Variants in COL23A1 observed in about 807,000 individuals in gnomAD.
COL23A1 encodes the protein collagen type XXIII alpha 1 chain.
A neutral mutation model predicts 99.3 loss-of-function variants in COL23A1; 97 were observed. The ratio of observed to expected loss-of-function variants is 0.98; its 90% confidence interval spans 0.83 to 1.16. The LOEUF (loss-of-function observed/expected upper bound fraction) is 1.16, where lower values mean the gene tolerates loss of function less well. Ranked by LOEUF, COL23A1 falls within the 50% of genes most tolerant of loss-of-function variation. The pLI is 0.00. For synonymous variants in COL23A1, 320 were observed against 308.2 expected (o/e 1.04, Z -0.40); for missense variants, 762 against 757.4 (o/e 1.01, Z -0.07).
intron 2 of COL23A1, among the ~76,000 whole-genome samples, chr5:178,357,411 C>G (rs1370519461): frequency 6.6e-6 from 1 of 152,230 alleles, no homozygotes; most frequent in Non-Finnish European, 1.5e-5. Context: ...ACTCAGAGAA[C>G]TCACAATGAA....
chr5:178,455,190 G>T (rs1767703059), intron 2 of COL23A1, among the ~76,000 whole-genome samples: 1 of 152,212 alleles, frequency 6.6e-6, no homozygotes, highest in Non-Finnish European at 1.5e-5. Context: ...TTCCGGGGGG[G>T]ACACAGTTCA....
intron 2 of COL23A1, among the ~76,000 whole-genome samples, chr5:178,391,861 T>C (rs1306171342): frequency 2.6e-5 from 4 of 151,156 alleles, no homozygotes; most frequent in African/African-American, 9.8e-5. Context: ...AAATAAAATG[T>C]GGTATATTCA....
At chr5:178,579,733 T>C (rs1258360183) in intron 1 of COL23A1, among the ~76,000 whole-genome samples, 2 of 152,152 alleles carry the variant, frequency 1.3e-5, no homozygotes, top group African/African-American at 4.8e-5. Flanking sequence ...ATTACAGGCA[T>C]GAGCCACCGC....
At chr5:178,358,353 T>A (rs1251553609) in intron 2 of COL23A1, among the ~76,000 whole-genome samples, 1 of 151,622 alleles carries the variant, frequency 6.6e-6, no homozygotes. Context: ...GTGTATTGTG[T>A]GTATGTGTAT....
intron 2 of COL23A1, among the ~76,000 whole-genome samples, chr5:178,495,781 G>A (rs1758167903): frequency 6.6e-6 from 1 of 152,046 alleles, no homozygotes; most frequent in Non-Finnish European, 1.5e-5. Flanking sequence ...AAGATGGGAA[G>A]GAATCCCCAT....
chr5:178,590,126 TCCG>T lies in COL23A1; in HGVS notation c.69_71del (p.Gly25del), dbSNP rs765794127. The T allele has an allele frequency of 8.9e-5, 110 of 1,239,274 alleles. No individual in the cohort carries two copies. The highest frequency in any genetic ancestry group is 8.6e-4 in the South Asian group (27 of 31,246). The allele number at this position is 1,239,274 out of a possible 1,614,324, so 76.8% of individuals were successfully genotyped here. On this transcript the variant is annotated inframe_deletion, in exon 1 of 29. Coordinates refer to ENST00000390654, the MANE Select transcript of COL23A1 (RefSeq NM_173465.4). This position sits in a 1 kb window ranked among gnomAD's most constrained non-coding sequence, Gnocchi z 5.7. Reference sequence around the variant, plus strand: ...ACCCGGCCGTCGTCGCCGAGCGCCCTCCGCCGCCGCCGCCCGCCGCATTGCCCT... The same window carrying T: ...ACCCGGCCGTCGTCGCCGAGCGCCCTCCGCCGCCGCCCGCCGCATTGCCCT...
intron 2 of COL23A1, among the ~76,000 whole-genome samples, chr5:178,496,697 C>T (rs1451833941): frequency 6.6e-6 from 1 of 152,158 alleles, no homozygotes; most frequent in Non-Finnish European, 1.5e-5. Context: ...ATTCTAAGGA[C>T]TAAACAAGCC....
At position 178,384,243 on chromosome 5, in the gene COL23A1, G is replaced by A. The variant is rs1040228827; in HGVS notation, c.362-77324C>T. 1.3e-5 allele frequency among the ~76,000 whole-genome samples: 2 copies of A among 152,180 alleles called. No homozygotes were observed. Among genetic ancestry groups the A allele is most frequent in the South Asian group, 2.1e-4 (1 of 4,830 alleles). On this transcript the variant is annotated intron_variant, in intron 2 of 28. Transcript: ENST00000390654. The surrounding 1 kb of genome is among the most constrained non-coding windows in gnomAD (Gnocchi z 5.5). ...CGCTGCTGCGAGCTGAGCTGCGATCGCAAATGCACGCAGCTCCCCGCCCAG... is the reference window on the plus strand; with the variant it reads ...CGCTGCTGCGAGCTGAGCTGCGATCACAAATGCACGCAGCTCCCCGCCCAG...
intron 18 of COL23A1, among the ~76,000 whole-genome samples, chr5:178,249,716 A>ACACACACACTCACTCTCTCTCTCT: frequency 7.5e-5 from 7 of 92,750 alleles, no homozygotes; most frequent in Non-Finnish European, 1.1e-4. Flanking sequence ...ACACACACAC[A>ACACACACACTCACTCTCTCTCTCT]CTCTCTCTCT....
At chr5:178,248,436 C>T (rs1040223968) in intron 19 of COL23A1, among the ~76,000 whole-genome samples, 182 bp from the exon 20 acceptor site, 1 of 152,154 alleles carries the variant, frequency 6.6e-6, no homozygotes, top group Non-Finnish European at 1.5e-5. Context: ...GCAGTGTGGG[C>T]TTTAGAAAGC....
chr5:178,249,319 T>C (rs1581446989), intron 18 of COL23A1, 113 bp from the exon 19 acceptor site: 1 of 1,009,292 alleles, frequency 9.9e-7, no homozygotes, highest in South Asian at 1.3e-5. Context: ...TCTTTGTGGG[T>C]CCCCACCTCC....
chr5:178,253,673 C>G (rs11738533), intron 16 of COL23A1, among the ~76,000 whole-genome samples: 137,174 of 151,506 alleles, frequency 0.91, 62,222 homozygotes, highest in Non-Finnish European at 0.93. Flanking sequence ...AGGAGAGACG[C>G]GGTTTCACTA....
chr5:178,532,072 A>T (rs1006229660), intron 2 of COL23A1, among the ~76,000 whole-genome samples: 4 of 152,314 alleles, frequency 2.6e-5, no homozygotes, highest in African/African-American at 9.6e-5. Flanking sequence ...GGGGTGTGCC[A>T]TCTGCCGACG....
At chr5:178,405,222 G>A (rs1449174812) in intron 2 of COL23A1, among the ~76,000 whole-genome samples, 1 of 152,250 alleles carries the variant, frequency 6.6e-6, no homozygotes, top group African/African-American at 2.4e-5. Context: ...GCCCGGCTCT[G>A]AGGCCACCTC....
At chr5:178,244,992 C>G (rs1343436557) in intron 25 of COL23A1, among the ~76,000 whole-genome samples, 1 of 109,550 alleles carries the variant, frequency 9.1e-6, no homozygotes, top group African/African-American at 2.7e-5. Context: ...ATCTATCATC[C>G]ATCCATCCAT....
chr5:178,523,299 C>A (rs11744777), intron 2 of COL23A1, among the ~76,000 whole-genome samples: 1 of 145,008 alleles, frequency 6.9e-6, no homozygotes, highest in Admixed American at 7.0e-5. Flanking sequence ...TGGTGGTGCG[C>A]GCCCGTAATC....
At chr5:178,295,120 G>T (rs186385056) in intron 3 of COL23A1, among the ~76,000 whole-genome samples, 24 of 152,178 alleles carry the variant, frequency 1.6e-4, no homozygotes, top group Non-Finnish European at 2.5e-4. Flanking sequence ...GGGAGGCAGA[G>T]GTTGCAGTGG....
At chr5:178,581,924 A>G (rs906142719) in intron 1 of COL23A1, among the ~76,000 whole-genome samples, 13 of 152,328 alleles carry the variant, frequency 8.5e-5, no homozygotes, top group African/African-American at 2.9e-4. Context: ...ATCTGTCTAC[A>G]TGATGGATGA....
chr5:178,528,218 T>G (rs970958530), intron 2 of COL23A1, among the ~76,000 whole-genome samples: 1 of 152,168 alleles, frequency 6.6e-6, no homozygotes, highest in African/African-American at 2.4e-5. Flanking sequence ...GGCTTAAATA[T>G]TAGCCCTCAT....
Sources: gnomAD v4.1 joint callset for allele counts (sites outside exome capture counted in the v4.1 genomes callset) on GRCh38, gnomAD v4.1.1 for gene constraint, Gnocchi (gnomAD v3.1) non-coding constraint, MANE v1.5 for transcripts, NCBI Gene and HGNC (gene_info 2026-07-23, HGNC 2026-07-21) for gene names.